Variants in CEP19 observed in about 807,000 individuals in gnomAD.
CEP19 encodes the protein centrosomal protein 19.
A neutral mutation model predicts 17.5 loss-of-function variants in CEP19; 14 were observed. That is an observed-to-expected ratio of 0.80 (90% CI 0.53 to 1.25). The LOEUF is 1.25. CEP19 is among the 50% of genes most tolerant of loss of function. CEP19 has a pLI of 0.00. For synonymous variants in CEP19, 59 were observed against 65.5 expected (o/e 0.90, Z 0.48); for missense variants, 193 against 192.0 (o/e 1.01, Z -0.03).
Position 196,707,785 on chromosome 3 carries a change from C to G in CEP19, c.258G>C (p.Leu86=), listed in dbSNP as rs1429975670. The part of the protein sequence containing the change: ...FLRGYLSGQS[L]AETMEQIQRE... ...GTTGAATTTGTTCCATTGTTTCTGC[C>G]AGACTCTGCCCCGACAAGTAACCTC... is the stretch of plus-strand genomic sequence containing the variant. Residue 86 remains leucine (L), a synonymous_variant, in exon 3 of 3, where the codon CTG becomes CTC. Transcript: ENST00000409690. 1 of 1,614,162 alleles carries G rather than the reference C, an allele frequency of 6.2e-7. No individual in the cohort carries two copies. The highest frequency in any genetic ancestry group is 8.5e-7 in the Non-Finnish European group (1 of 1,180,042).
Position 196,708,618 on chromosome 3 carries a change from G to A in CEP19, c.40C>T (p.Pro14Ser). The A allele has an allele frequency of 5.0e-6, 8 of 1,613,956 alleles. No homozygotes were observed. In the South Asian group the frequency reaches 8.8e-5, roughly 18 times the overall value. ...TAKKCGIRFQPPAIILIYESE... is the reference protein window; with the variant it reads ...TAKKCGIRFQSPAIILIYESE... ...TCATAGATTAAGATAATAGCTGGAGGCTGAAACCTAATCCCACATTTCTTG... is the reference window on the plus strand; with the variant it reads ...TCATAGATTAAGATAATAGCTGGAGACTGAAACCTAATCCCACATTTCTTG... The change falls in exon 2 of 3, where the codon CCT (proline) becomes TCT (serine). Residue 14 changes from proline (P) to serine (S), a missense_variant. Transcript: ENST00000409690.
At position 196,707,646 on chromosome 3, in the gene CEP19, C is replaced by A; in HGVS notation, c.397G>T (p.Asp133Tyr). ...TCAATGTCATAAACAAAATTTGGAT[C>A]ATCCTTCTTCTTCTGATTTTTCTCA... ...LFEKNQKKKD[D>Y]PNFVYDIEVE... Residue 133 changes from aspartate (D) to tyrosine (Y), a missense_variant, in exon 3 of 3, where the codon GAT becomes TAT. By Grantham distance (160) the Asp-to-Tyr change is radical. Coordinates refer to ENST00000409690, the MANE Select transcript of CEP19 (RefSeq NM_032898.5). The A allele has an allele frequency of 6.2e-7, 1 of 1,614,066 alleles. No individual in the cohort carries two copies.
rs1269400259 is a variant in CEP19 at position 196,706,792 on chromosome 3, A to G, written c.*759T>C. 6.6e-6 allele frequency: 1 copy of G among 151,550 alleles called. No individual in the cohort carries two copies. The highest frequency in any genetic ancestry group is 2.4e-5 in the African/African-American group (1 of 41,190). The allele number at this position is 151,550 out of a possible 1,614,324, so 9.4% of individuals were successfully genotyped here. A position where few individuals can be genotyped will look rare whatever the true frequency, so the allele number is the denominator to read the frequency against. ...TACTACTTCCCCTCTCCTTCTTTTC[A>G]GTTGCTCTTATCAGGAATCCTACAC... On this transcript the variant is annotated 3_prime_UTR_variant, in exon 3 of 3. Transcript: ENST00000409690.
chr3:196,707,857 T>C lies in CEP19; in HGVS notation c.186A>G (p.Leu62=). 2 of 1,613,950 alleles carry C rather than the reference T, an allele frequency of 1.2e-6. No homozygotes were observed. Among genetic ancestry groups the C allele is most frequent in the South Asian group, 2.2e-5 (2 of 91,084 alleles). Reference sequence around the variant, plus strand: ...CTAGCTGCCTCAGGGATACTTGTTCTAGGTAACTCTTGTGTCGCGGATTAT... The same window carrying C: ...CTAGCTGCCTCAGGGATACTTGTTCCAGGTAACTCTTGTGTCGCGGATTAT... The part of the protein sequence containing the change: ...LKNNPRHKSY[L]EQVSLRQLEK... The change falls in exon 3 of 3, where the codon CTA becomes CTG. Residue 62 remains leucine (L), a synonymous_variant. Transcript: ENST00000409690.
intron 1 of CEP19, among the ~76,000 whole-genome samples, chr3:196,711,104 T>C (rs1711752295): frequency 7.8e-6 from 1 of 128,368 alleles, no homozygotes; most frequent in Non-Finnish European, 1.7e-5. Context: ...ACTCAAATAA[T>C]GTAGTTTTTT....
rs773149461 is a variant in CEP19, at chr3:196,708,570, G to A, written c.88C>T (p.Arg30Cys). ...IYESEIKGKIRQRIMPVRNFS... is the reference protein window; with the variant it reads ...IYESEIKGKICQRIMPVRNFS... ...TTTCGAACTGGCATAATGCGCTGGC[G>A]AATTTTCCCCTTGATTTCACTCTCA... Residue 30 changes from arginine (R) to cysteine (C), a missense_variant, in exon 2 of 3, where the codon CGC becomes TGC. Physicochemically the swap from Arg to Cys is radical, Grantham distance 180 (BLOSUM62 -3). Coordinates refer to ENST00000409690, the MANE Select transcript of CEP19 (RefSeq NM_032898.5). 10 of 1,614,128 alleles carry A rather than the reference G, an allele frequency of 6.2e-6. No homozygotes were observed. In the East Asian group the frequency reaches 6.7e-5, roughly 11 times the overall value.
chr3:196,707,652 T>C lies in CEP19; in HGVS notation c.391A>G (p.Lys131Glu), dbSNP rs1711572557. The stretch of plus-strand genomic sequence containing the variant: ...TCATAAACAAAATTTGGATCATCCT[T>C]CTTCTTCTGATTTTTCTCAAAAAGT... ...DELFEKNQKK[K>E]DDPNFVYDIE... The change falls in exon 3 of 3, where the codon AAG becomes GAG. Residue 131 changes from lysine to glutamate, a missense_variant. Transcript: ENST00000409690. 2 of 1,614,022 alleles carry C rather than the reference T, an allele frequency of 1.2e-6. No homozygotes were observed. The highest frequency in any genetic ancestry group is 1.7e-6 in the Non-Finnish European group (2 of 1,179,980).
intron 1 of CEP19, among the ~76,000 whole-genome samples, chr3:196,711,402 T>G (rs1711771788): frequency 6.6e-6 from 1 of 152,140 alleles, no homozygotes; most frequent in Admixed American, 6.6e-5. Flanking sequence ...CTCCCCTCGC[T>G]GCAACCTCCG....
intron 1 of CEP19, among the ~76,000 whole-genome samples, 160 bp downstream of exon 1, chr3:196,711,769 A>G (rs1375966818): frequency 6.6e-6 from 1 of 152,086 alleles, no homozygotes; most frequent in Non-Finnish European, 1.5e-5. Flanking sequence ...CGTTTATCCA[A>G]TTATTCTTCC....
At chr3:196,710,220 T>C (rs1484743554) in intron 1 of CEP19, among the ~76,000 whole-genome samples, 1 of 152,192 alleles carries the variant, frequency 6.6e-6, no homozygotes, top group Non-Finnish European at 1.5e-5. Context: ...TCACCACTTA[T>C]TGTTGGGCAT....
At chr3:196,708,301 TTATTGAA>T (rs1711600109) in intron 2 of CEP19, among the ~76,000 whole-genome samples, 1 of 152,206 alleles carries the variant, frequency 6.6e-6, no homozygotes, top group Admixed American at 6.5e-5. Context: ...GGAATTAATA[TTATTGAA>T]TAATGCTATA....
Position 196,707,970 on chromosome 3 carries a change from T to C in CEP19, c.131-58A>G, listed in dbSNP as rs1300623936. ...CGTACCACGTACATCATATACGCCA[T>C]AAACTACTGCAACAGCCAAAACAGA... On this transcript the variant is annotated intron_variant, in intron 2 of 2. Coordinates refer to ENST00000409690, the MANE Select transcript of CEP19 (RefSeq NM_032898.5). 7 of 1,531,796 alleles carry C rather than the reference T, an allele frequency of 4.6e-6. No individual in the cohort carries two copies. In the East Asian group the frequency reaches 1.4e-4, roughly 30 times the overall value. 94.9% of individuals were successfully genotyped at this position (1,531,796 alleles called of 1,614,324 possible).
Position 196,706,741 on chromosome 3 carries a change from A to G in CEP19, c.*810T>C, listed in dbSNP as rs757747606. 2.0e-4 allele frequency: 30 copies of G among 149,930 alleles called. No homozygotes were observed. The highest frequency in any genetic ancestry group is 6.9e-4 in the African/African-American group (28 of 40,788). The allele number at this position is 149,930 out of a possible 1,614,324, so 9.3% of individuals were successfully genotyped here. On this transcript the variant is annotated 3_prime_UTR_variant, in exon 3 of 3. Coordinates refer to ENST00000409690, the MANE Select transcript of CEP19 (RefSeq NM_032898.5). ...AACTATAATTTGCTTATGGTTCCTCAAAAAAAAAATTGTTTCTTGTCCCTT... is the reference window on the plus strand; with the variant it reads ...AACTATAATTTGCTTATGGTTCCTCGAAAAAAAAATTGTTTCTTGTCCCTT...
rs750995380 is a variant in CEP19, at chr3:196,708,631, C to G, written c.27G>C (p.Gly9=). ...TAATAGCTGGAGGCTGAAACCTAAT[C>G]CCACATTTCTTGGCAGTGCACATCA... MMCTAKKC[G]IRFQPPAIIL... is the part of the protein sequence containing the mutation. The change falls in exon 2 of 3, where the codon GGG becomes GGC. Residue 9 remains glycine, a synonymous_variant. Transcript: ENST00000409690. 1 of 1,613,936 alleles carries G rather than the reference C, an allele frequency of 6.2e-7. No homozygotes were observed. Among genetic ancestry groups the G allele is most frequent in the African/African-American group, 1.3e-5 (1 of 74,932 alleles).
chr3:196,710,416 G>A (rs1560071925), intron 1 of CEP19, among the ~76,000 whole-genome samples: 1 of 152,018 alleles, frequency 6.6e-6, no homozygotes, highest in Admixed American at 6.6e-5. Flanking sequence ...ATAGTGGCAG[G>A]TGCCTGTAAT....
chr3:196,708,777 C>T (rs934115720), intron 1 of CEP19, 50 bp from the exon 2 acceptor site: 11 of 1,005,886 alleles, frequency 1.1e-5, no homozygotes, highest in South Asian at 4.8e-5. Context: ...TCATTCCCCT[C>T]GCCCCTTTGC....
At chr3:196,708,839 A>C in intron 1 of CEP19, 112 bp from the exon 2 acceptor site, 2 of 588,298 alleles carry the variant, frequency 3.4e-6, no homozygotes, top group Non-Finnish European at 5.9e-6. Flanking sequence ...TCAGCCTGTG[A>C]AACTCATTTT....
At chr3:196,707,964 A>G (rs559277584) in intron 2 of CEP19, 52 bp from the exon 3 acceptor site, 1 of 1,547,172 alleles carries the variant, frequency 6.5e-7, no homozygotes, top group Non-Finnish European at 8.7e-7. Context: ...TACATCATAT[A>G]CGCCATAAAC....
Position 196,707,436 on chromosome 3 carries a change from T to C in CEP19, c.*115A>G, listed in dbSNP as rs1711561872. On this transcript the variant is annotated 3_prime_UTR_variant, in exon 3 of 3. Coordinates refer to ENST00000409690, the MANE Select transcript of CEP19 (RefSeq NM_032898.5). ...AATGTCCTGGTTTTGAAAAGTAACA[T>C]GGTCAATCCCCTATAACCCAACATA... is the stretch of plus-strand genomic sequence containing the variant. The C allele has an allele frequency of 8.7e-7, 1 of 1,152,880 alleles. No individual in the cohort carries two copies. Among genetic ancestry groups the C allele is most frequent in the African/African-American group, 1.5e-5 (1 of 65,014 alleles). The allele number at this position is 1,152,880 out of a possible 1,614,324, so 71.4% of individuals were successfully genotyped here.
Sources: allele counts gnomAD v4.1 joint callset (sites outside exome capture counted in the v4.1 genomes callset), GRCh38; gene constraint gnomAD v4.1.1; transcripts MANE v1.5; gene names NCBI Gene and HGNC (gene_info 2026-07-23, HGNC 2026-07-21).